TESMIN: variants seen among roughly 807,000 people sequenced by gnomAD.
TESMIN encodes testis expressed metallothionein like protein, also known as CXC domain containing 2.
TESMIN carries 34 observed loss-of-function variants against 47.4 expected under a neutral mutation model. The observed-to-expected ratio is 0.72, with a 90% CI of 0.55 to 0.96. TESMIN has a LOEUF of 0.96. TESMIN is among the 40% of genes least tolerant of loss of function. The probability of loss-of-function intolerance (pLI) is 0.00; values close to 1 mark genes in which losing one functional copy is unlikely to be tolerated. For synonymous variants in TESMIN, 278 were observed against 258.9 expected, an observed-to-expected ratio of 1.07 and a Z score of -0.71; for missense variants, 610 against 637.2, an observed-to-expected ratio of 0.96 and a Z score of 0.46.
chr11:68,714,522 C>T (rs554196044), intron 7 of TESMIN, among the ~76,000 whole-genome samples: 33 of 152,352 alleles, frequency 2.2e-4, no homozygotes, highest in African/African-American at 7.9e-4. Flanking sequence ...ATGCTGGTGC[C>T]TCAGGTAAGT....
intron 6 of TESMIN, among the ~76,000 whole-genome samples, chr11:68,735,424 CAGGCCCACGAGTA>C (rs1946376121): frequency 6.6e-6 from 1 of 152,194 alleles, no homozygotes. Context: ...GGGAGGGTGA[CAGGCCCACGAGTA>C]TCTACAGAGT....
intron 5 of TESMIN, 127 bp from the exon 6 acceptor site, chr11:68,738,915 C>T (rs1396151985): frequency 8.0e-6 from 6 of 748,476 alleles, no homozygotes; most frequent in Admixed American, 2.6e-5. Flanking sequence ...CCTTTATAAC[C>T]ATGTCTGGCC....
At chr11:68,741,208 C>T (rs556286962) in intron 5 of TESMIN, among the ~76,000 whole-genome samples, 17 of 152,214 alleles carry the variant, frequency 1.1e-4, no homozygotes, top group South Asian at 1.0e-3. Context: ...AAGCCATAAT[C>T]CTCCCAGTGC....
In TESMIN at chr11:68,735,055, C is replaced by G. The variant is rs569453499; in HGVS notation, c.917+3645G>C. Among the ~76,000 whole-genome samples the G allele has an allele frequency of 3.1e-4, 47 of 152,362 alleles. 1 individual carries two copies. Among genetic ancestry groups the G allele is most frequent in the Admixed American group, 3.1e-3 (47 of 15,308 alleles). ...TTTGACTGCTTCTGGAGAGAGCTCCCATTTTAGAGGTAAAGACAATGTTGC... is the reference window on the plus strand; with the variant it reads ...TTTGACTGCTTCTGGAGAGAGCTCCGATTTTAGAGGTAAAGACAATGTTGC... On this transcript the variant is annotated intron_variant, in intron 6 of 9. Coordinates refer to ENST00000255087, the MANE Select transcript of TESMIN (RefSeq NM_004923.3).
intron 6 of TESMIN, among the ~76,000 whole-genome samples, chr11:68,726,559 T>C (rs549025123): frequency 6.6e-6 from 1 of 152,310 alleles, no homozygotes; most frequent in South Asian, 2.1e-4. Flanking sequence ...GACAGAGACT[T>C]TACTATAGTT....
At chr11:68,738,199 T>C in intron 6 of TESMIN, 1 of 987,316 alleles carries the variant, frequency 1.0e-6, no homozygotes, top group Non-Finnish European at 1.2e-6. Flanking sequence ...AAGTGCAGCC[T>C]ATGTCCACCT....
At chr11:68,732,175 C>T (rs1001051578) in intron 6 of TESMIN, among the ~76,000 whole-genome samples, 10 of 152,194 alleles carry the variant, frequency 6.6e-5, no homozygotes, top group Admixed American at 1.3e-4. Flanking sequence ...AGTGCTCTGT[C>T]GCCTGCCAGC....
At chr11:68,730,717 C>T (rs1351568871) in intron 6 of TESMIN, among the ~76,000 whole-genome samples, 1 of 151,584 alleles carries the variant, frequency 6.6e-6, no homozygotes, top group Non-Finnish European at 1.5e-5. Context: ...ACTGCTGGAA[C>T]CTGGGAGGTG....
intron 6 of TESMIN, among the ~76,000 whole-genome samples, chr11:68,718,942 C>T (rs56020073): frequency 0.017 from 2,548 of 152,340 alleles, 79 homozygotes; most frequent in African/African-American, 0.058. Context: ...GAAGAAATTA[C>T]ATCCCATGTA....
chr11:68,749,067 G>A (rs188384524), intron 2 of TESMIN, among the ~76,000 whole-genome samples: 1 of 152,192 alleles, frequency 6.6e-6, no homozygotes, highest in Non-Finnish European at 1.5e-5. Flanking sequence ...GAAATGAGCC[G>A]AGCTAGGACC....
intron 6 of TESMIN, among the ~76,000 whole-genome samples, chr11:68,728,399 A>C (rs1380711999): frequency 6.6e-6 from 1 of 152,234 alleles, no homozygotes; most frequent in Admixed American, 6.5e-5. Flanking sequence ...GAAGCTGTAC[A>C]TCAAAAATTG....
intron 5 of TESMIN, among the ~76,000 whole-genome samples, chr11:68,739,590 G>A (rs920859452): frequency 6.6e-6 from 1 of 152,138 alleles, no homozygotes; most frequent in African/African-American, 2.4e-5. Flanking sequence ...AATGCGTCTT[G>A]TATTCATCCT....
chr11:68,745,026 G>T lies in TESMIN; in HGVS notation c.716C>A (p.Pro239His). The part of the protein sequence containing the change: ...TRELKALHLV[P>H]QYQDQNNYLQ... The stretch of plus-strand genomic sequence containing the variant: ...ATAATTATTTTGATCTTGATACTGA[G>T]GAACCAAATGGAGTGCTTTTAGTTC... Residue 239 changes from proline (P) to histidine (H), a missense_variant, in exon 4 of 10, where the codon CCT (proline) becomes CAT (histidine). Transcript: ENST00000255087. 1 of 1,583,876 alleles carries T rather than the reference G, an allele frequency of 6.3e-7. No individual in the cohort carries two copies. The highest frequency in any genetic ancestry group is 2.3e-5 in the East Asian group (1 of 43,584).
intron 6 of TESMIN, chr11:68,736,362 C>T (rs879828261): frequency 5.4e-5 from 53 of 985,384 alleles, no homozygotes; most frequent in Non-Finnish European, 6.0e-5. Context: ...AGCTCGCACA[C>T]TCAGCCTGCT....
intron 6 of TESMIN, among the ~76,000 whole-genome samples, chr11:68,726,522 T>C (rs1946266462): frequency 6.6e-6 from 1 of 152,050 alleles, no homozygotes; most frequent in South Asian, 2.1e-4. Flanking sequence ...GGAGAAAAAT[T>C]CAAGAGATGA....
chr11:68,738,652 T>A, intron 6 of TESMIN, 48 bp downstream of exon 6: 1 of 1,609,600 alleles, frequency 6.2e-7, no homozygotes, highest in Non-Finnish European at 8.5e-7. Flanking sequence ...TCCAAGAGTC[T>A]CTTAAATTAT....
Position 68,750,307 on chromosome 11 carries a change from G to C in TESMIN, c.354C>G (p.Pro118=). The change falls in exon 2 of 10, where the codon CCC becomes CCG. Residue 118 remains proline, a synonymous_variant. Coordinates refer to ENST00000255087, the MANE Select transcript of TESMIN (RefSeq NM_004923.3). The part of the protein sequence containing the change: ...DVALLQAPQP[P]ACNVHFLSSL... Reference sequence around the variant, plus strand: ...AGGACAGGAAGTGCACGTTGCAGGCGGGCGGCTGCGGGGCCTGCAGGAGCG... The same window carrying C: ...AGGACAGGAAGTGCACGTTGCAGGCCGGCGGCTGCGGGGCCTGCAGGAGCG... 6.6e-7 allele frequency: 1 copy of C among 1,524,888 alleles called. No individual in the cohort carries two copies. Among genetic ancestry groups the C allele is most frequent in the Non-Finnish European group, 8.8e-7 (1 of 1,142,032 alleles). 94.5% of individuals were successfully genotyped at this position (1,524,888 alleles called of 1,614,324 possible).
chr11:68,711,913 G>T (rs971453252), intron 8 of TESMIN, among the ~76,000 whole-genome samples: 1 of 152,236 alleles, frequency 6.6e-6, no homozygotes, highest in Non-Finnish European at 1.5e-5. Flanking sequence ...GCTCATGTGG[G>T]CCCCAGGGGC....
chr11:68,749,752 T>C (rs1946565800), intron 2 of TESMIN, among the ~76,000 whole-genome samples: 1 of 150,056 alleles, frequency 6.7e-6, no homozygotes, highest in Admixed American at 6.6e-5. Context: ...CCTGGTAAAG[T>C]TAAAGGAAAA....
Sources: gnomAD v4.1 joint callset for allele counts (sites outside exome capture counted in the v4.1 genomes callset) on GRCh38, gnomAD v4.1.1 for gene constraint, MANE v1.5 for transcripts, NCBI Gene and HGNC (gene_info 2026-07-23, HGNC 2026-07-21) for gene names.